FOCAD: variants seen among roughly 807,000 people sequenced by gnomAD.
FOCAD encodes focadhesin.
A neutral mutation model predicts 225.6 loss-of-function variants in FOCAD; 198 were observed. The observed-to-expected ratio is 0.88, with a 90% CI of 0.78 to 0.99. The LOEUF (loss-of-function observed/expected upper bound fraction) is 0.99, where lower values mean the gene tolerates loss of function less well. FOCAD is among the 50% of genes least tolerant of loss of function. FOCAD has a pLI of 0.00. For missense variants in FOCAD, 2,713 were observed against 2,123.6 expected (o/e 1.28, Z -5.46); for synonymous variants, 897 against 755.0 (o/e 1.19, Z -3.08).
At chr9:20,823,265 CT>C in intron 15 of FOCAD, 150 bp downstream of exon 15, 1 of 842,874 alleles carries the variant, frequency 1.2e-6, no homozygotes, top group Non-Finnish European at 1.7e-6. Flanking sequence ...GCAAGACCTA[CT>C]TTACAAATTC....
intron 35 of FOCAD, among the ~76,000 whole-genome samples, chr9:20,975,757 G>A (rs533816286): frequency 1.3e-5 from 2 of 152,260 alleles, no homozygotes; most frequent in South Asian, 2.1e-4. Context: ...GCCACCTGGA[G>A]AACTCATGTT....
intron 15 of FOCAD, among the ~76,000 whole-genome samples, chr9:20,841,890 C>T (rs942959088): frequency 1.3e-5 from 2 of 151,804 alleles, no homozygotes; most frequent in Non-Finnish European, 2.9e-5. Flanking sequence ...GTGCTTACTA[C>T]TATTGACTTC....
rs1841820097 is a variant in FOCAD, at chr9:20,993,284, G to C, written c.5288G>C (p.Ser1763Thr). 1 of 1,613,990 alleles carries C rather than the reference G, an allele frequency of 6.2e-7. No individual in the cohort carries two copies. Among genetic ancestry groups the C allele is most frequent in the Non-Finnish European group, 8.5e-7 (1 of 1,179,940 alleles). The part of the protein sequence containing the change: ...FIDWLFSIME[S>T]PKEALSAQSR... Reference sequence around the variant, plus strand: ...GACTGGCTATTCAGCATCATGGAAAGCCCTAAAGAAGCCCTCTCAGCACAG... The same window carrying C: ...GACTGGCTATTCAGCATCATGGAAACCCCTAAAGAAGCCCTCTCAGCACAG... Residue 1763 changes from serine to threonine, a missense_variant, in exon 43 of 44, where the codon AGC (serine) becomes ACC (threonine). By Grantham distance (58) the Ser-to-Thr change is moderately conservative. Coordinates refer to ENST00000338382, the MANE Select transcript of FOCAD (RefSeq NM_001375567.1).
intron 5 of FOCAD, among the ~76,000 whole-genome samples, chr9:20,751,047 G>T (rs1828493486): frequency 6.6e-6 from 1 of 151,958 alleles, no homozygotes; most frequent in African/African-American, 2.4e-5. Context: ...TAATTCTCTT[G>T]CTTGAGATCA....
chr9:20,722,624 CTCTT>C (rs1050489781), intron 4 of FOCAD, among the ~76,000 whole-genome samples: 1 of 152,206 alleles, frequency 6.6e-6, no homozygotes, highest in African/African-American at 2.4e-5. Flanking sequence ...ACTACTTTCT[CTCTT>C]TCTGTTTCTA....
Position 20,971,763 on chromosome 9 carries a change from C to T in FOCAD, c.4133-4657C>T, listed in dbSNP as rs974625458. 1.2e-4 allele frequency among the ~76,000 whole-genome samples: 18 copies of T among 152,076 alleles called. 1 individual carries two copies. The highest frequency in any genetic ancestry group is 7.4e-5 in the Non-Finnish European group (5 of 68,016). ...TAAACAATAACTCCCTTTCCCCCAC[C>T]CCTCTCCCTATCCCCTGGTAACCAC... On this transcript the variant is annotated intron_variant, in intron 35 of 43. Coordinates refer to ENST00000338382, the MANE Select transcript of FOCAD (RefSeq NM_001375567.1).
intron 35 of FOCAD, among the ~76,000 whole-genome samples, chr9:20,971,177 ACT>A (rs1839726847): frequency 2.0e-5 from 3 of 151,964 alleles, no homozygotes; most frequent in Non-Finnish European, 4.4e-5. Context: ...AACAAAAAGG[ACT>A]CTGCCTTTTC....
At chr9:20,899,296 C>G (rs1336441171) in intron 21 of FOCAD, among the ~76,000 whole-genome samples, 3 of 151,860 alleles carry the variant, frequency 2.0e-5, no homozygotes, top group Admixed American at 6.6e-5. Context: ...CTCCCTATGC[C>G]TGGGTACACC....
intron 35 of FOCAD, among the ~76,000 whole-genome samples, chr9:20,960,269 G>C (rs1403143659): frequency 6.6e-6 from 1 of 152,158 alleles, no homozygotes; most frequent in East Asian, 1.9e-4. Flanking sequence ...GGTCACTTTT[G>C]GTAGAGTATG....
At position 20,770,091 on chromosome 9, in the gene FOCAD, C is replaced by T. The variant is rs777207561; in HGVS notation, c.759C>T (p.Ser253=). 4.0e-5 allele frequency: 65 copies of T among 1,614,010 alleles called. No homozygotes were observed. Among genetic ancestry groups the T allele is most frequent in the Non-Finnish European group, 5.2e-5 (61 of 1,179,978 alleles). The change falls in exon 8 of 44, where the codon AGC becomes AGT. Residue 253 remains serine (S), a synonymous_variant. Coordinates refer to ENST00000338382, the MANE Select transcript of FOCAD (RefSeq NM_001375567.1). The stretch of plus-strand genomic sequence containing the variant: ...TGTTTATTGAGGAAGTATGTTTAAG[C>T]CTTTTGCGTCATCCTGTTTTCTGGA... ...AMMFIEEVCL[S]LLRHPVFWKI...
chr9:20,984,470 T>G (rs1840976819), intron 39 of FOCAD, among the ~76,000 whole-genome samples: 1 of 152,218 alleles, frequency 6.6e-6, no homozygotes, highest in Non-Finnish European at 1.5e-5. Flanking sequence ...CTTTTAAATA[T>G]TTACTTAAAA....
intron 4 of FOCAD, among the ~76,000 whole-genome samples, chr9:20,733,635 C>G (rs1379283402): frequency 6.6e-6 from 1 of 152,096 alleles, no homozygotes; most frequent in Non-Finnish European, 1.5e-5. Flanking sequence ...CGATAGTTTA[C>G]TGAGAATGAT....
intron 15 of FOCAD, among the ~76,000 whole-genome samples, chr9:20,841,975 T>C (rs1482575728): frequency 6.6e-6 from 1 of 151,962 alleles, no homozygotes; most frequent in African/African-American, 2.4e-5. Flanking sequence ...TTTCAAGAAA[T>C]TTAAAAATTT....
intron 18 of FOCAD, among the ~76,000 whole-genome samples, chr9:20,867,599 A>G (rs1042198181): frequency 6.6e-6 from 1 of 152,084 alleles, no homozygotes; most frequent in African/African-American, 2.4e-5. Context: ...AACTAAAAAC[A>G]TATAACCTCT....
chr9:20,734,618 A>C (rs1826982146), intron 4 of FOCAD, among the ~76,000 whole-genome samples: 1 of 152,192 alleles, frequency 6.6e-6, no homozygotes, highest in East Asian at 1.9e-4. Context: ...CTTCCTCTTT[A>C]AAAGATAACA....
chr9:20,831,596 A>T (rs887605476), intron 15 of FOCAD, among the ~76,000 whole-genome samples: 1 of 152,080 alleles, frequency 6.6e-6, no homozygotes, highest in African/African-American at 2.4e-5. Flanking sequence ...GAATATTTCA[A>T]ACCTTAAGCA....
At chr9:20,656,398 T>A (rs372082875), upstream of FOCAD, among the ~76,000 whole-genome samples, 6 of 151,520 alleles carry the variant, frequency 4.0e-5, no homozygotes, top group Non-Finnish European at 5.9e-5. Flanking sequence ...CCCATTATTA[T>A]TGTGTGGGAG....
intron 35 of FOCAD, among the ~76,000 whole-genome samples, chr9:20,961,418 T>A (rs1272396316): frequency 6.6e-6 from 1 of 152,144 alleles, no homozygotes; most frequent in Non-Finnish European, 1.5e-5. Context: ...GAAGATGTCC[T>A]AGGTTTATTT....
chr9:20,851,749 T>A (rs544267191), intron 15 of FOCAD, among the ~76,000 whole-genome samples: 82 of 151,832 alleles, frequency 5.4e-4, no homozygotes, highest in Admixed American at 3.3e-4. Context: ...ATTGGTCTAA[T>A]CTAATTGCTA....
Sources: gnomAD v4.1 joint callset for allele counts (sites outside exome capture counted in the v4.1 genomes callset) on GRCh38, gnomAD v4.1.1 for gene constraint, MANE v1.5 for transcripts, NCBI Gene and HGNC (gene_info 2026-07-23, HGNC 2026-07-21) for gene names.